ATXN7: variants seen among roughly 807,000 people sequenced by gnomAD.
ATXN7 encodes ataxin-7.
A neutral mutation model predicts 70.5 loss-of-function variants in ATXN7; 12 were observed. The observed-to-expected ratio is 0.17, with a 90% CI of 0.11 to 0.28. The LOEUF is 0.28. Ranked by LOEUF, ATXN7 falls within the 10% of genes least tolerant of loss-of-function variation. The pLI is 1.00. For synonymous variants in ATXN7, 498 were observed against 448.7 expected (o/e 1.11, Z -1.39); for missense variants, 1,256 against 1,131.7 (o/e 1.11, Z -1.58).
At chr3:63,977,344 T>G (rs2075405037) in intron 5 of ATXN7, among the ~76,000 whole-genome samples, 1 of 152,224 alleles carries the variant, frequency 6.6e-6, no homozygotes, top group Admixed American at 6.5e-5. Context: ...TCTAATCATT[T>G]GATCTTCAAA....
chr3:63,925,872 C>G (rs1258263346), intron 4 of ATXN7, among the ~76,000 whole-genome samples: 1 of 152,070 alleles, frequency 6.6e-6, no homozygotes, highest in Non-Finnish European at 1.5e-5. Context: ...GTGTGGGAGC[C>G]TGGAACTTGT....
At chr3:63,968,927 A>T (rs1272262799) in intron 5 of ATXN7, among the ~76,000 whole-genome samples, 2 of 152,216 alleles carry the variant, frequency 1.3e-5, no homozygotes, top group African/African-American at 4.8e-5. Flanking sequence ...AGGACTTTAA[A>T]TATGAAAAGA....
rs533788222 is a variant in ATXN7 at position 63,982,501 on chromosome 3, G to A, written c.1012+56G>A. Reference sequence around the variant, plus strand: ...TTCTCTATATATTAAATGGGCATTCGTGGGGAGCAAATCAACTGCAATCTA... The same window carrying A: ...TTCTCTATATATTAAATGGGCATTCATGGGGAGCAAATCAACTGCAATCTA... On this transcript the variant is annotated intron_variant, in intron 7 of 12. Coordinates refer to ENST00000674280, the MANE Select transcript of ATXN7 (RefSeq NM_001377405.1). The A allele has an allele frequency of 7.2e-5, 102 of 1,421,684 alleles. No homozygotes were observed. In the South Asian group the frequency reaches 1.1e-3, roughly 15 times the overall value. 88.1% of individuals were successfully genotyped at this position (1,421,684 alleles called of 1,614,324 possible).
chr3:63,933,549 A>C (rs1256998918), intron 4 of ATXN7, among the ~76,000 whole-genome samples: 1 of 152,234 alleles, frequency 6.6e-6, no homozygotes, highest in Non-Finnish European at 1.5e-5. Context: ...CCACAGTCTC[A>C]AAAGCAAAAA....
chr3:63,923,712 T>C (rs1194313717), intron 4 of ATXN7, among the ~76,000 whole-genome samples: 3 of 152,168 alleles, frequency 2.0e-5, no homozygotes, highest in Non-Finnish European at 2.9e-5. Context: ...GAGGATCACT[T>C]GTGCCCAGGA....
At chr3:63,993,860 G>A (rs2075712464) in intron 11 of ATXN7, among the ~76,000 whole-genome samples, 1 of 152,210 alleles carries the variant, frequency 6.6e-6, no homozygotes, top group African/African-American at 2.4e-5. Context: ...TTTAGAGCAG[G>A]GCTTCTGAAT....
intron 1 of ATXN7, among the ~76,000 whole-genome samples, chr3:63,881,484 ATT>A (rs909777356): frequency 3.1e-4 from 37 of 120,796 alleles, no homozygotes; most frequent in East Asian, 9.5e-4. Flanking sequence ...TGGTTGGAGC[ATT>A]TTTTTTTTTT....
At position 63,982,932 on chromosome 3, in the gene ATXN7, T is replaced by C. The variant is rs777390825; in HGVS notation, c.1013-7T>C. The C allele has an allele frequency of 1.9e-6, 3 of 1,613,014 alleles. No homozygotes were observed. The highest frequency in any genetic ancestry group is 2.7e-5 in the African/African-American group (2 of 75,000). ...GGCCACATGTAATGCCTGTGTTCTTTTGACAGAAAGAGAGTTTGATCCTGA... is the reference window on the plus strand; with the variant it reads ...GGCCACATGTAATGCCTGTGTTCTTCTGACAGAAAGAGAGTTTGATCCTGA... On this transcript the variant is annotated splice_region_variant and splice_polypyrimidine_tract_variant and intron_variant, in intron 7 of 12. Transcript: ENST00000674280.
intron 5 of ATXN7, among the ~76,000 whole-genome samples, chr3:63,954,381 C>G (rs1314414564): frequency 6.6e-6 from 1 of 152,178 alleles, no homozygotes; most frequent in Non-Finnish European, 1.5e-5. Flanking sequence ...ATGTGCTGCA[C>G]GAGTCACCAT....
chr3:63,923,399 C>T (rs1045538640), intron 4 of ATXN7, among the ~76,000 whole-genome samples: 21 of 149,310 alleles, frequency 1.4e-4, no homozygotes, highest in Non-Finnish European at 2.5e-4. Context: ...CTGTTGAATG[C>T]TGTGAAGTCA....
chr3:63,863,797 CGCGGCGGCGGCGGCGGCG>C (rs546741642), upstream of ATXN7: 2 of 1,245,640 alleles, frequency 1.6e-6, no homozygotes, highest in African/African-American at 1.6e-5. Context: ...CCATGGCGTG[CGCGGCGGCGGCGGCGGCG>C]GCGGCGGCGC....
chr3:63,888,123 T>G (rs1430649753), intron 1 of ATXN7, among the ~76,000 whole-genome samples: 2 of 152,174 alleles, frequency 1.3e-5, no homozygotes, highest in African/African-American at 4.8e-5. Flanking sequence ...CAGTAGTTGC[T>G]TTATGTACAA....
chr3:63,889,744 A>G (rs1042858599), intron 1 of ATXN7, among the ~76,000 whole-genome samples: 1 of 152,172 alleles, frequency 6.6e-6, no homozygotes, highest in African/African-American at 2.4e-5. Context: ...GGCAGTGAAT[A>G]AGCACTGGCT....
chr3:63,863,832 A>G, upstream of ATXN7: 2 of 1,218,592 alleles, frequency 1.6e-6, no homozygotes, highest in South Asian at 4.0e-5. Flanking sequence ...GCGCAAGCTG[A>G]GGCGGCGGTT....
intron 4 of ATXN7, among the ~76,000 whole-genome samples, chr3:63,930,562 C>A (rs547952802): frequency 2.0e-5 from 3 of 150,768 alleles, no homozygotes; most frequent in Admixed American, 1.3e-4. Context: ...GATGGAGTCT[C>A]GCTCTGTTGC....
At chr3:63,867,900 A>ATAAAT (rs1559614511) in intron 1 of ATXN7, among the ~76,000 whole-genome samples, 7 of 150,928 alleles carry the variant, frequency 4.6e-5, no homozygotes, top group African/African-American at 1.7e-4. Context: ...AATAAATAAC[A>ATAAAT]AACAAATAAA....
chr3:63,938,741 A>G (rs1005827454), intron 4 of ATXN7, among the ~76,000 whole-genome samples: 9 of 152,268 alleles, frequency 5.9e-5, no homozygotes, highest in African/African-American at 2.2e-4. Flanking sequence ...TTTCACAAGC[A>G]TCAATGAAAG....
chr3:63,985,416 G>T (rs2075559721), intron 8 of ATXN7, among the ~76,000 whole-genome samples: 1 of 152,214 alleles, frequency 6.6e-6, no homozygotes. Flanking sequence ...GGCAGAAAAT[G>T]CAGCATCCAC....
chr3:63,884,247 T>TCACA (rs146073940), intron 1 of ATXN7, among the ~76,000 whole-genome samples: 2 of 142,440 alleles, frequency 1.4e-5, no homozygotes, highest in African/African-American at 5.2e-5. Flanking sequence ...ACACATACTC[T>TCACA]CACACACACA....
Sources: allele counts gnomAD v4.1 joint callset (sites outside exome capture counted in the v4.1 genomes callset), GRCh38; gene constraint gnomAD v4.1.1; transcripts MANE v1.5; gene names NCBI Gene and HGNC (gene_info 2026-07-23, HGNC 2026-07-21).